ZKSCAN2: variants seen among roughly 807,000 people sequenced by gnomAD.
ZKSCAN2 encodes zinc finger protein with KRAB and SCAN domains 2.
A neutral mutation model predicts 90.5 loss-of-function variants in ZKSCAN2; 38 were observed. The ratio of observed to expected loss-of-function variants is 0.42; its 90% CI spans 0.32 to 0.55. The LOEUF (loss-of-function observed/expected upper bound fraction) is 0.55, where lower values mean the gene tolerates loss of function less well. Ranked by LOEUF, ZKSCAN2 falls within the 20% of genes least tolerant of loss-of-function variation. The pLI, the probability that ZKSCAN2 is intolerant of heterozygous loss-of-function variation, is 0.11. For missense variants in ZKSCAN2, 1,167 were observed against 1,202.6 expected (o/e 0.97, Z 0.44); for synonymous variants, 429 against 421.6 (o/e 1.02, Z -0.22).
chr16:25,246,571 G>A (rs745845749), intron 5 of ZKSCAN2, 136 bp downstream of exon 5: 8 of 854,524 alleles, frequency 9.4e-6, no homozygotes, highest in Non-Finnish European at 1.5e-5. Context: ...GTACTTCAGT[G>A]ATGTGGCCAC....
At position 25,244,284 on chromosome 16, in the gene ZKSCAN2, T is replaced by C; in HGVS notation, c.1490-8A>G. 6.2e-7 allele frequency: 1 copy of C among 1,608,216 alleles called. No homozygotes were observed. Among genetic ancestry groups the C allele is most frequent in the Non-Finnish European group, 8.5e-7 (1 of 1,176,282 alleles). On this transcript the variant is annotated splice_region_variant and splice_polypyrimidine_tract_variant and intron_variant, in intron 5 of 6. Coordinates refer to ENST00000328086, the MANE Select transcript of ZKSCAN2 (RefSeq NM_001012981.5). ...CATAGCCCCAGTGCACGCCTGCCATTTGGGGATAAAGTTCACAATGTAACA... is the reference window on the plus strand; with the variant it reads ...CATAGCCCCAGTGCACGCCTGCCATCTGGGGATAAAGTTCACAATGTAACA...
rs147734922 is a variant in ZKSCAN2 at position 25,240,394 on chromosome 16, T to C, written c.2326A>G (p.Lys776Glu). ...AAGCACTTCCCACAGACACCACACT[T>C]GTAAGGATTCTCCTTGTGGTGGGTC... ...RMTHHKENPYKCGVCGKCFGR... is the reference protein window; with the variant it reads ...RMTHHKENPYECGVCGKCFGR... Residue 776 changes from lysine (K) to glutamate (E), a missense_variant, in exon 7 of 7, where the codon AAG (lysine) becomes GAG (glutamate). Physicochemically the swap from Lys to Glu is moderately conservative, Grantham distance 56 (BLOSUM62 1). Coordinates refer to ENST00000328086, the MANE Select transcript of ZKSCAN2 (RefSeq NM_001012981.5). The C allele has an allele frequency of 6.2e-7, 1 of 1,614,208 alleles. No homozygotes were observed. The highest frequency in any genetic ancestry group is 8.5e-7 in the Non-Finnish European group (1 of 1,180,030).
At position 25,251,906 on chromosome 16, in the gene ZKSCAN2, T is replaced by G. The variant is rs546733512; in HGVS notation, c.805+3A>C. On this transcript the variant is annotated splice_donor_region_variant and intron_variant, in intron 4 of 6. Transcript: ENST00000328086. ...TATATTTGGAAAGGGAAGGAATCCT[T>G]ACCCAGGGAGACCACGTTCCCAACA... 6.2e-7 allele frequency: 1 copy of G among 1,614,010 alleles called. No homozygotes were observed. Among genetic ancestry groups the G allele is most frequent in the South Asian group, 1.1e-5 (1 of 91,070 alleles).
rs749483868 is a variant in ZKSCAN2, at chr16:25,243,861, A to G, written c.1905T>C (p.Ser635=). The change falls in exon 6 of 7, where the codon AGT becomes AGC. Residue 635 remains serine (S), a synonymous_variant. Coordinates refer to ENST00000328086, the MANE Select transcript of ZKSCAN2 (RefSeq NM_001012981.5). ...SQEAVIEDSC[S]ERMSEEEIVQ... is the part of the protein sequence containing the mutation. ...CAATTTCCTCCTCGCTCATTCTCTC[A>G]CTGCAAGAGTCTTCTATTACTGCCT... 14 of 1,613,500 alleles carry G rather than the reference A, an allele frequency of 8.7e-6. No individual in the cohort carries two copies. In the South Asian group the frequency reaches 1.5e-4, roughly 18 times the overall value.
chr16:25,251,983 A>C lies in ZKSCAN2; in HGVS notation c.731T>G (p.Val244Gly), dbSNP rs538166803. 18 of 1,614,168 alleles carry C rather than the reference A, an allele frequency of 1.1e-5. No individual in the cohort carries two copies. Among genetic ancestry groups the C allele is most frequent in the Admixed American group, 1.0e-4 (6 of 60,022 alleles). Reference protein sequence around the residue: ...VARGFSYRKSVHQIPAQRDLY... With the variant: ...VARGFSYRKSGHQIPAQRDLY... ...GTCCCTTTGGGCAGGAATCTGATGC[A>C]CACTCTTTCTGTAGGAAAAGCCTCT... The change falls in exon 4 of 7, where the codon GTG becomes GGG. Residue 244 changes from valine (V) to glycine (G), a missense_variant. By Grantham distance (109) the Val-to-Gly change is moderately radical. Coordinates refer to ENST00000328086, the MANE Select transcript of ZKSCAN2 (RefSeq NM_001012981.5).
Position 25,239,738 on chromosome 16 carries a change from T to C in ZKSCAN2, c.*78A>G, listed in dbSNP as rs192726372. Reference sequence around the variant, plus strand: ...AGTTTATCTTGGAAATTACACTTCATAGCTAAGAAAAGATTGCTTCCAAGA... The same window carrying C: ...AGTTTATCTTGGAAATTACACTTCACAGCTAAGAAAAGATTGCTTCCAAGA... On this transcript the variant is annotated 3_prime_UTR_variant, in exon 7 of 7. Coordinates refer to ENST00000328086, the MANE Select transcript of ZKSCAN2 (RefSeq NM_001012981.5). The C allele has an allele frequency of 5.5e-6, 7 of 1,269,070 alleles. No individual in the cohort carries two copies. The African/African-American group carries it at 9.0e-5, about 16-fold the overall frequency. 78.6% of individuals were successfully genotyped at this position (1,269,070 alleles called of 1,614,324 possible).
intron 1 of ZKSCAN2, among the ~76,000 whole-genome samples, 160 bp from the exon 2 acceptor site, chr16:25,255,552 T>C (rs1223567591): frequency 2.6e-5 from 4 of 152,244 alleles, no homozygotes; most frequent in Non-Finnish European, 2.9e-5. Flanking sequence ...CTGAGAGTAC[T>C]GTCCAGCAGT....
chr16:25,254,692 GT>G (rs1963070340), intron 2 of ZKSCAN2, among the ~76,000 whole-genome samples: 1 of 152,024 alleles, frequency 6.6e-6, no homozygotes, highest in African/African-American at 2.4e-5. Context: ...GCCTCCCAAA[GT>G]GTTGGGATTA....
In ZKSCAN2 at chr16:25,257,363, C is replaced by T. The variant is rs958495128; in HGVS notation, c.-236G>A. ...GCCTCTTCTCCAAACAAGATGTGAC[C>T]GCGCAATGTGGTTTTCCAGAGTGCA... On this transcript the variant is annotated 5_prime_UTR_variant, in exon 1 of 7. Coordinates refer to ENST00000328086, the MANE Select transcript of ZKSCAN2 (RefSeq NM_001012981.5). 6.4e-6 allele frequency: 8 copies of T among 1,259,772 alleles called. No individual in the cohort carries two copies. The African/African-American group carries it at 1.2e-4, about 19-fold the overall frequency. 78.0% of individuals were successfully genotyped at this position (1,259,772 alleles called of 1,614,324 possible).
intron 4 of ZKSCAN2, 129 bp downstream of exon 4, chr16:25,251,780 T>C (rs900115711): frequency 9.5e-7 from 1 of 1,054,478 alleles, no homozygotes; most frequent in African/African-American, 1.6e-5. Context: ...CCTGGCTAAG[T>C]GATTACACTA....
In ZKSCAN2 at chr16:25,239,717, T is replaced by A. The variant is rs1009465312; in HGVS notation, c.*99A>T. The A allele has an allele frequency of 2.8e-6, 3 of 1,080,946 alleles. No homozygotes were observed. Among genetic ancestry groups the A allele is most frequent in the Non-Finnish European group, 4.0e-6 (3 of 747,304 alleles). 67.0% of individuals were successfully genotyped at this position (1,080,946 alleles called of 1,614,324 possible). On this transcript the variant is annotated 3_prime_UTR_variant, in exon 7 of 7. Transcript: ENST00000328086. Reference sequence around the variant, plus strand: ...TTTAGTTTATTTATATTCTCAAGTTTATCTTGGAAATTACACTTCATAGCT... The same window carrying A: ...TTTAGTTTATTTATATTCTCAAGTTAATCTTGGAAATTACACTTCATAGCT...
At chr16:25,241,991 C>A (rs1225014102) in intron 6 of ZKSCAN2, among the ~76,000 whole-genome samples, 1 of 152,104 alleles carries the variant, frequency 6.6e-6, no homozygotes, top group African/African-American at 2.4e-5. Flanking sequence ...CACCTCAACC[C>A]CAGAAGTTGC....
In ZKSCAN2 at chr16:25,237,290, G is replaced by A. The variant is rs892952592; in HGVS notation, c.*2526C>T. On this transcript the variant is annotated 3_prime_UTR_variant, in exon 7 of 7. Coordinates refer to ENST00000328086, the MANE Select transcript of ZKSCAN2 (RefSeq NM_001012981.5). ...GGTAGTGTTGGTCTAAAATGGGGGG[G>A]AGACCTTCCATTTCTTCAGAACAAA... is the stretch of plus-strand genomic sequence containing the variant. The A allele has an allele frequency of 6.6e-6, 1 of 152,278 alleles. No homozygotes were observed. Among genetic ancestry groups the A allele is most frequent in the African/African-American group, 2.4e-5 (1 of 41,540 alleles). The allele number at this position is 152,278 out of a possible 1,614,324, so 9.4% of individuals were successfully genotyped here. A position where few individuals can be genotyped will look rare whatever the true frequency, so the allele number is the denominator to read the frequency against.
chr16:25,249,126 C>G (rs1446084792), intron 4 of ZKSCAN2, among the ~76,000 whole-genome samples: 1 of 152,004 alleles, frequency 6.6e-6, no homozygotes, highest in African/African-American at 2.4e-5. Flanking sequence ...TTACCAGAAG[C>G]TGGGGGAGGA....
Position 25,252,927 on chromosome 16 carries a change from A to C in ZKSCAN2, c.678+19T>G. On this transcript the variant is annotated intron_variant, in intron 3 of 6. Transcript: ENST00000328086. ...AGTGAGACTCCATCTCAAAGAAAAAAAAGACAATTACAATGTACCTGGGAC... is the reference window on the plus strand; with the variant it reads ...AGTGAGACTCCATCTCAAAGAAAAACAAGACAATTACAATGTACCTGGGAC... The C allele has an allele frequency of 6.2e-7, 1 of 1,603,118 alleles. No individual in the cohort carries two copies. The highest frequency in any genetic ancestry group is 1.1e-5 in the South Asian group (1 of 90,860).
At position 25,240,116 on chromosome 16, in the gene ZKSCAN2, G is replaced by A; in HGVS notation, c.2604C>T (p.Phe868=). The change falls in exon 7 of 7, where the codon TTC becomes TTT. Residue 868 remains phenylalanine (F), a synonymous_variant. Coordinates refer to ENST00000328086, the MANE Select transcript of ZKSCAN2 (RefSeq NM_001012981.5). ...GGGCGCTGAAATGAGAACTGTTGGT[G>A]AAACTTTTCCCACACTCTCCACACT... The part of the protein sequence containing the change: ...PYQCGECGKS[F]TNSSHFSAHR... 6 of 1,613,840 alleles carry A rather than the reference G, an allele frequency of 3.7e-6. No homozygotes were observed. The highest frequency in any genetic ancestry group is 5.1e-6 in the Non-Finnish European group (6 of 1,179,994).
chr16:25,246,421 C>T (rs964582459), intron 5 of ZKSCAN2: 61 of 474,990 alleles, frequency 1.3e-4, no homozygotes, highest in Non-Finnish European at 2.6e-5. Flanking sequence ...TCCTTAGAAC[C>T]CTGTAACTCC....
chr16:25,237,733 T>C lies in ZKSCAN2; in HGVS notation c.*2083A>G, dbSNP rs1400927209. The C allele has an allele frequency of 1.3e-5, 2 of 152,266 alleles. No homozygotes were observed. The highest frequency in any genetic ancestry group is 2.4e-5 in the African/African-American group (1 of 41,464). 9.4% of individuals were successfully genotyped at this position (152,266 alleles called of 1,614,324 possible). ...TAGAACATGGCCTTACATGTAACAG[T>C]GCTTCATATTTATGAATAAGTCATC... On this transcript the variant is annotated 3_prime_UTR_variant, in exon 7 of 7. Coordinates refer to ENST00000328086, the MANE Select transcript of ZKSCAN2 (RefSeq NM_001012981.5).
chr16:25,253,863 C>G (rs561657656), intron 2 of ZKSCAN2, among the ~76,000 whole-genome samples: 1 of 152,274 alleles, frequency 6.6e-6, no homozygotes, highest in African/African-American at 2.4e-5. Context: ...CAAAAATTAG[C>G]CAGGCATGAT....
Sources: gnomAD v4.1 joint callset for allele counts (sites outside exome capture counted in the v4.1 genomes callset) on GRCh38, gnomAD v4.1.1 for gene constraint, MANE v1.5 for transcripts, NCBI Gene and HGNC (gene_info 2026-07-23, HGNC 2026-07-21) for gene names.